Variants in TLK2 observed in about 807,000 individuals in gnomAD.
The protein encoded by TLK2 is serine/threonine-protein kinase tousled-like 2.
Under a neutral mutation model 117.3 loss-of-function variants are expected in TLK2, and 6 were observed. That is an observed-to-expected ratio of 0.05 (90% CI 0.03 to 0.10). The LOEUF is 0.10. TLK2 is among the 10% of genes least tolerant of loss of function. TLK2 has a pLI of 1.00. For missense variants in TLK2, 299 were observed against 901.2 expected (o/e 0.33, Z 8.56); for synonymous variants, 257 against 316.7 (o/e 0.81, Z 2.00).
chr17:62,537,070 C>G (rs2077165672), intron 7 of TLK2, among the ~76,000 whole-genome samples: 2 of 152,166 alleles, frequency 1.3e-5, no homozygotes. Context: ...TATTCCTATT[C>G]CACTTTCAGG....
At chr17:62,556,489 G>C (rs2078872945) in intron 9 of TLK2, among the ~76,000 whole-genome samples, 1 of 152,062 alleles carries the variant, frequency 6.6e-6, no homozygotes, top group African/African-American at 2.4e-5. Context: ...TCTCTCTTTT[G>C]CCCTCCCGTG....
intron 16 of TLK2, among the ~76,000 whole-genome samples, chr17:62,592,841 C>T (rs1022348146): frequency 1.2e-4 from 18 of 152,178 alleles, no homozygotes; most frequent in Non-Finnish European, 2.9e-5. Flanking sequence ...TGCAGTTGAA[C>T]GGTCCCATCT....
chr17:62,480,988 T>C, intron 1 of TLK2, 133 bp from the exon 2 acceptor site: 2 of 792,648 alleles, frequency 2.5e-6, no homozygotes, highest in South Asian at 1.7e-5. Flanking sequence ...CTACCACTTG[T>C]ATGCTATATT....
chr17:62,537,268 A>C (rs896957576), intron 7 of TLK2, among the ~76,000 whole-genome samples: 23 of 152,248 alleles, frequency 1.5e-4, no homozygotes, highest in Admixed American at 1.5e-3. Context: ...AGGAAATAGA[A>C]ATAATAAAAC....
chr17:62,488,078 G>A (rs2072670998), intron 2 of TLK2, among the ~76,000 whole-genome samples: 1 of 151,850 alleles, frequency 6.6e-6, no homozygotes, highest in African/African-American at 2.4e-5. Flanking sequence ...TGGCTGGGAG[G>A]TGCCCGCCAC....
chr17:62,516,080 A>AC (rs1054645923), intron 2 of TLK2, among the ~76,000 whole-genome samples: 3 of 151,766 alleles, frequency 2.0e-5, no homozygotes, highest in Non-Finnish European at 4.4e-5. Flanking sequence ...GCCCGCCACC[A>AC]CGCCCAGCTA....
In TLK2 at chr17:62,516,468, C is replaced by A; in HGVS notation, c.82-4305C>A. ...GACCTTTAGGCCGAGGCCTGCCAGTCTCTGGACGGCTACGGCGTAGGGTGG... is the reference window on the plus strand; with the variant it reads ...GACCTTTAGGCCGAGGCCTGCCAGTATCTGGACGGCTACGGCGTAGGGTGG... On this transcript the variant is annotated intron_variant, in intron 2 of 21. Coordinates refer to ENST00000346027, the MANE Select transcript of TLK2 (RefSeq NM_006852.6). The A allele has an allele frequency of 4.4e-6, 7 of 1,602,462 alleles. No individual in the cohort carries two copies. The South Asian group carries it at 7.8e-5, about 18-fold the overall frequency.
chr17:62,509,294 G>A (rs2074967679), intron 2 of TLK2, among the ~76,000 whole-genome samples: 1 of 152,092 alleles, frequency 6.6e-6, no homozygotes, highest in African/African-American at 2.4e-5. Context: ...TTGCTATGCT[G>A]CCCAAGCTGG....
chr17:62,557,674 A>C (rs1386741653), intron 9 of TLK2, among the ~76,000 whole-genome samples: 3 of 152,270 alleles, frequency 2.0e-5, no homozygotes, highest in African/African-American at 7.2e-5. Flanking sequence ...CTCCTTGCCA[A>C]ATTCCAGTAT....
At chr17:62,520,677 A>T (rs1382590191) in intron 2 of TLK2, 96 bp from the exon 3 acceptor site, 9 of 150,998 alleles carry the variant, frequency 6.0e-5, no homozygotes, top group Non-Finnish European at 1.0e-4. Flanking sequence ...AACTCTGTCT[A>T]AAAAAAAAAA....
intron 2 of TLK2, among the ~76,000 whole-genome samples, chr17:62,502,028 A>ATT (rs746988825): frequency 3.0e-5 from 4 of 134,304 alleles, no homozygotes; most frequent in East Asian, 2.0e-4. Context: ...AAAAAATACC[A>ATT]ATTTTTTTTT....
At chr17:62,560,809 A>C (rs2079204818) in intron 10 of TLK2, among the ~76,000 whole-genome samples, 1 of 151,804 alleles carries the variant, frequency 6.6e-6, no homozygotes, top group African/African-American at 2.4e-5. Flanking sequence ...GTGCGCCACC[A>C]TGCCCGGCCA....
At chr17:62,540,302 C>G (rs1183103594) in intron 7 of TLK2, among the ~76,000 whole-genome samples, 2 of 150,138 alleles carry the variant, frequency 1.3e-5, no homozygotes. Context: ...AGCTAAAATC[C>G]TTGGAGTCAT....
chr17:62,605,797 G>T (rs1206110673), intron 19 of TLK2, among the ~76,000 whole-genome samples: 1 of 151,720 alleles, frequency 6.6e-6, no homozygotes, highest in Non-Finnish European at 1.5e-5. Flanking sequence ...TTGAGTCCAG[G>T]AGTTTGAGAC....
intron 2 of TLK2, among the ~76,000 whole-genome samples, chr17:62,502,001 C>A: frequency 7.4e-6 from 1 of 134,590 alleles, no homozygotes; most frequent in Non-Finnish European, 1.6e-5. Flanking sequence ...TTGGTAAATT[C>A]TATCAAACAT....
upstream of TLK2, among the ~76,000 whole-genome samples, chr17:62,474,968 T>C (rs1356945189): frequency 6.6e-6 from 1 of 152,138 alleles, no homozygotes; most frequent in Admixed American, 6.6e-5. Flanking sequence ...GCTTGGCTCC[T>C]GTCTATGGCG....
At chr17:62,477,175 T>C (rs2071075585), upstream of TLK2, among the ~76,000 whole-genome samples, 1 of 152,196 alleles carries the variant, frequency 6.6e-6, no homozygotes, top group Admixed American at 6.5e-5. Context: ...AGACCTAGCC[T>C]CACTGTCTTT....
intron 6 of TLK2, among the ~76,000 whole-genome samples, chr17:62,530,701 C>G (rs1475780290): frequency 6.6e-6 from 1 of 152,124 alleles, no homozygotes; most frequent in African/African-American, 2.4e-5. Flanking sequence ...CCTCTTTGTA[C>G]TTCTTTCCTT....
At chr17:62,592,462 C>T (rs1254745510) in intron 16 of TLK2, among the ~76,000 whole-genome samples, 2 of 152,078 alleles carry the variant, frequency 1.3e-5, no homozygotes, top group African/African-American at 2.4e-5. Flanking sequence ...AGAAATGTAT[C>T]GTTAGGTGAT....
Sources: gnomAD v4.1 joint callset for allele counts (sites outside exome capture counted in the v4.1 genomes callset) on GRCh38, gnomAD v4.1.1 for gene constraint, MANE v1.5 for transcripts, NCBI Gene and HGNC (gene_info 2026-07-23, HGNC 2026-07-21) for gene names.